LIN9: variants seen among roughly 807,000 people sequenced by gnomAD.
LIN9 encodes the protein lin-9 DREAM MuvB core complex component.
In LIN9, 18 loss-of-function variants were observed where a neutral mutation model predicts 78.0. The ratio of observed to expected loss-of-function variants is 0.23; its 90% confidence interval spans 0.16 to 0.34. The LOEUF (loss-of-function observed/expected upper bound fraction) is 0.34. Among genes scored for constraint, LIN9 ranks in the 10% least tolerant of loss-of-function variants. The probability of loss-of-function intolerance (pLI) is 1.00; values close to 1 mark genes in which losing one functional copy is unlikely to be tolerated. For missense variants in LIN9, 451 were observed against 644.1 expected (o/e 0.70, Z 3.25); for synonymous variants, 192 against 215.2 (o/e 0.89, Z 0.94).
chr1:226,277,229 A>G (rs1660725008), intron 7 of LIN9, among the ~76,000 whole-genome samples: 1 of 151,442 alleles, frequency 6.6e-6, no homozygotes, highest in African/African-American at 2.4e-5. Flanking sequence ...AAAAAAAAAA[A>G]AAAAAAACTT....
intron 6 of LIN9, among the ~76,000 whole-genome samples, chr1:226,279,533 C>T (rs536601505): frequency 3.8e-5 from 5 of 133,268 alleles, no homozygotes; most frequent in East Asian, 2.4e-4. Context: ...GAGGCTGAGG[C>T]GGATGGACTG....
At chr1:226,295,398 G>A (rs983797271) in intron 4 of LIN9, among the ~76,000 whole-genome samples, 10 of 151,916 alleles carry the variant, frequency 6.6e-5, no homozygotes, top group African/African-American at 1.2e-4. Context: ...GCAGTAAGCC[G>A]AGATCACGCC....
chr1:226,273,608 TTTCTTC>T (rs943982437), intron 7 of LIN9, among the ~76,000 whole-genome samples: 1 of 152,110 alleles, frequency 6.6e-6, no homozygotes, highest in Non-Finnish European at 1.5e-5. Context: ...TTGCATTTGT[TTTCTTC>T]TTCTTCTTTT....
intron 11 of LIN9, among the ~76,000 whole-genome samples, chr1:226,243,071 T>C (rs531587197): frequency 6.6e-6 from 1 of 152,356 alleles, no homozygotes; most frequent in South Asian, 2.1e-4. Flanking sequence ...ATGCGGATTT[T>C]TGACTGCTGG....
intron 2 of LIN9, among the ~76,000 whole-genome samples, chr1:226,298,888 T>A (rs1452739810): frequency 6.6e-6 from 1 of 151,950 alleles, no homozygotes; most frequent in African/African-American, 2.4e-5. Flanking sequence ...CAAGTCTCTG[T>A]CCCCTCACAA....
At chr1:226,303,201 C>T (rs1374195263) in intron 1 of LIN9, among the ~76,000 whole-genome samples, 1 of 152,152 alleles carries the variant, frequency 6.6e-6, no homozygotes, top group Admixed American at 6.5e-5. Flanking sequence ...AAAGTAGTAA[C>T]CATTCACTCA....
At chr1:226,252,884 T>C (rs1363894695) in intron 10 of LIN9, among the ~76,000 whole-genome samples, 1 of 152,038 alleles carries the variant, frequency 6.6e-6, no homozygotes, top group Admixed American at 6.6e-5. Context: ...GGAGAATCGC[T>C]TGAACCCGGG....
At chr1:226,252,660 G>A (rs1658908676) in intron 10 of LIN9, among the ~76,000 whole-genome samples, 1 of 152,122 alleles carries the variant, frequency 6.6e-6, no homozygotes, top group Non-Finnish European at 1.5e-5. Context: ...TGATGGTATT[G>A]TAGTTACGTT....
intron 4 of LIN9, among the ~76,000 whole-genome samples, chr1:226,288,402 T>C (rs1661510838): frequency 6.6e-6 from 1 of 152,160 alleles, no homozygotes; most frequent in Non-Finnish European, 1.5e-5. Flanking sequence ...ATGACAAAGA[T>C]TTCAACTACC....
chr1:226,309,315 G>A (rs1436979922), upstream of LIN9: 1 of 1,017,178 alleles, frequency 9.8e-7, no homozygotes, highest in Non-Finnish European at 1.2e-6. Context: ...TGCCCGGGGA[G>A]GAGGTGCCGC....
chr1:226,263,349 TA>T (rs1291783984), intron 10 of LIN9, among the ~76,000 whole-genome samples: 2 of 151,992 alleles, frequency 1.3e-5, no homozygotes, highest in Non-Finnish European at 1.5e-5. Context: ...TGGGAGATAA[TA>T]GGGGGAGACT....
At chr1:226,302,392 A>AT (rs1257799350) in intron 1 of LIN9, among the ~76,000 whole-genome samples, 1 of 152,048 alleles carries the variant, frequency 6.6e-6, no homozygotes. Context: ...AAACACAAAA[A>AT]ATTAACTGGG....
At chr1:226,261,059 A>G (rs186478628) in intron 10 of LIN9, among the ~76,000 whole-genome samples, 93 of 152,250 alleles carry the variant, frequency 6.1e-4, no homozygotes, top group South Asian at 1.9e-3. Flanking sequence ...TGATAGAGGC[A>G]AAGTATTTGA....
At chr1:226,273,162 A>C (rs375626325) in intron 7 of LIN9, among the ~76,000 whole-genome samples, 37 of 151,816 alleles carry the variant, frequency 2.4e-4, no homozygotes, top group African/African-American at 8.7e-4. Flanking sequence ...GCCAGACTTA[A>C]GTCTACCACC....
At chr1:226,239,291 T>G (rs1358956890) in intron 11 of LIN9, among the ~76,000 whole-genome samples, 195 bp from the exon 12 acceptor site, 1 of 152,246 alleles carries the variant, frequency 6.6e-6, no homozygotes, top group Non-Finnish European at 1.5e-5. Context: ...TGGAGCATCA[T>G]GATGTCTGCC....
chr1:226,237,632 CAA>C lies in LIN9; in HGVS notation c.1245+1337_1245+1338del, dbSNP rs1167453006. Among the ~76,000 whole-genome samples, 70 of 57,428 alleles carry C rather than the reference CAA, an allele frequency of 1.2e-3. 1 individual carries two copies. Among genetic ancestry groups the C allele is most frequent in the African/African-American group, 4.0e-3 (59 of 14,618 alleles). 37.7% of individuals were successfully genotyped at this position (57,428 alleles called of 152,430 possible). On this transcript the variant is annotated intron_variant, in intron 12 of 14. Transcript: ENST00000681046. ...GGGCAACAAGGGCGAAACTCTGTCT[CAA>C]AAAAAAAAAAAAAAAAAAAATCTGG...
At position 226,232,473 on chromosome 1, in the gene LIN9, C is replaced by T. The variant is rs761639547; in HGVS notation, c.*28G>A. 64 of 1,422,702 alleles carry T rather than the reference C, an allele frequency of 4.5e-5. No homozygotes were observed. Among genetic ancestry groups the T allele is most frequent in the Non-Finnish European group, 5.3e-5 (54 of 1,010,952 alleles). The allele number at this position is 1,422,702 out of a possible 1,614,324, so 88.1% of individuals were successfully genotyped here. A position where few individuals can be genotyped will look rare whatever the true frequency, so the allele number is the denominator to read the frequency against. On this transcript the variant is annotated 3_prime_UTR_variant, in exon 15 of 15. Coordinates refer to ENST00000681046, the MANE Select transcript of LIN9 (RefSeq NM_001366245.2). ...AAAGAACTTCTCAAAAACAATGTCCCGTGCAGTTGGAATAATGAAATCTTT... is the reference window on the plus strand; with the variant it reads ...AAAGAACTTCTCAAAAACAATGTCCTGTGCAGTTGGAATAATGAAATCTTT...
chr1:226,287,304 T>C lies in LIN9; in HGVS notation c.398+360A>G, dbSNP rs192280145. The stretch of plus-strand genomic sequence containing the variant: ...AAAAATCTTAAGCCATTTTTACCAT[T>C]AGTAATGGTTTCTCTATGATTATAC... On this transcript the variant is annotated intron_variant, in intron 5 of 14. Coordinates refer to ENST00000681046, the MANE Select transcript of LIN9 (RefSeq NM_001366245.2). Among the ~76,000 whole-genome samples the C allele has an allele frequency of 2.0e-5, 3 of 152,316 alleles. No homozygotes were observed. In the East Asian group the frequency reaches 5.8e-4, roughly 29 times the overall value.
chr1:226,262,095 A>T (rs980931358), intron 10 of LIN9, among the ~76,000 whole-genome samples: 2 of 152,240 alleles, frequency 1.3e-5, no homozygotes, highest in Non-Finnish European at 2.9e-5. Flanking sequence ...CAACAAAAAA[A>T]TGAATCTAGA....
Sources: allele counts gnomAD v4.1 joint callset (sites outside exome capture counted in the v4.1 genomes callset), GRCh38; gene constraint gnomAD v4.1.1; transcripts MANE v1.5; gene names NCBI Gene and HGNC (gene_info 2026-07-23, HGNC 2026-07-21).